INPP4B: variants seen among roughly 807,000 people sequenced by gnomAD.
The protein encoded by INPP4B is inositol polyphosphate 4-phosphatase type II.
A neutral mutation model predicts 122.5 loss-of-function variants in INPP4B; 55 were observed. That is an observed-to-expected ratio of 0.45 (90% CI 0.36 to 0.56). The LOEUF is 0.56. INPP4B is among the 20% of genes least tolerant of loss of function. The pLI, the probability that INPP4B is intolerant of heterozygous loss-of-function variation, is 0.00. For synonymous variants in INPP4B, 403 were observed against 388.7 expected, an observed-to-expected ratio of 1.04 and a Z score of -0.43; for missense variants, 1,000 against 1,097.7, an observed-to-expected ratio of 0.91 and a Z score of 1.26.
chr4:142,349,041 A>C (rs1461171203), intron 7 of INPP4B, among the ~76,000 whole-genome samples: 3 of 152,048 alleles, frequency 2.0e-5, no homozygotes, highest in Admixed American at 6.6e-5. Flanking sequence ...TTTCTCTTCC[A>C]AATTTCTATC....
At chr4:142,661,119 C>T (rs967583507) in intron 2 of INPP4B, among the ~76,000 whole-genome samples, 2 of 152,134 alleles carry the variant, frequency 1.3e-5, no homozygotes, top group East Asian at 3.9e-4. Flanking sequence ...GGGATTCAAA[C>T]GCCAGGCAGG....
intron 2 of INPP4B, among the ~76,000 whole-genome samples, chr4:142,701,199 GTATGTCA>G (rs1761714245): frequency 6.6e-6 from 1 of 152,074 alleles, no homozygotes; most frequent in African/African-American, 2.4e-5. Flanking sequence ...GGTAAACAAG[GTATGTCA>G]TAATTACCAC....
intron 11 of INPP4B, among the ~76,000 whole-genome samples, chr4:142,253,416 T>C (rs1309932313): frequency 6.6e-6 from 1 of 152,056 alleles, no homozygotes; most frequent in Non-Finnish European, 1.5e-5. Flanking sequence ...AGAAGACAGG[T>C]GATTTCCGCA....
intron 25 of INPP4B, among the ~76,000 whole-genome samples, chr4:142,080,916 A>G (rs1467893454): frequency 1.3e-5 from 2 of 152,138 alleles, no homozygotes; most frequent in Non-Finnish European, 2.9e-5. Flanking sequence ...TATTTTTTGA[A>G]AGAAGTTTTT....
At chr4:142,117,648 C>T (rs150527472) in intron 21 of INPP4B, among the ~76,000 whole-genome samples, 21,053 of 151,936 alleles carry the variant, frequency 0.14, 1,631 homozygotes, top group East Asian at 0.23. Flanking sequence ...AATTAGGTAT[C>T]GATGGGACGT....
chr4:142,365,998 T>G (rs990747887), intron 7 of INPP4B, among the ~76,000 whole-genome samples: 1 of 152,104 alleles, frequency 6.6e-6, no homozygotes. Flanking sequence ...GACCTGCACA[T>G]GTATGTCCAG....
chr4:142,410,660 T>C (rs542320914), intron 5 of INPP4B, among the ~76,000 whole-genome samples: 6 of 152,192 alleles, frequency 3.9e-5, no homozygotes, highest in Non-Finnish European at 8.8e-5. Context: ...GAGCTATATA[T>C]GACTTTGGAT....
chr4:142,235,575 C>A (rs1007364629), intron 12 of INPP4B, among the ~76,000 whole-genome samples: 1 of 152,112 alleles, frequency 6.6e-6, no homozygotes, highest in Non-Finnish European at 1.5e-5. Context: ...TCGCCCACCA[C>A]CACGCCTGGA....
chr4:142,733,399 G>A (rs1766377978), intron 1 of INPP4B, among the ~76,000 whole-genome samples: 1 of 152,082 alleles, frequency 6.6e-6, no homozygotes, highest in African/African-American at 2.4e-5. Flanking sequence ...GCAATACTCA[G>A]AATATATACA....
chr4:142,470,598 A>G (rs988362846), intron 2 of INPP4B, among the ~76,000 whole-genome samples: 1 of 152,206 alleles, frequency 6.6e-6, no homozygotes, highest in Non-Finnish European at 1.5e-5. Flanking sequence ...CCCACTATAC[A>G]ATAATGCTGT....
intron 8 of INPP4B, among the ~76,000 whole-genome samples, chr4:142,307,042 T>C (rs1439760072): frequency 6.6e-6 from 1 of 152,102 alleles, no homozygotes; most frequent in Non-Finnish European, 1.5e-5. Context: ...ACCAAATTAT[T>C]AGATGAGGAA....
intron 2 of INPP4B, among the ~76,000 whole-genome samples, chr4:142,470,327 A>G (rs748046678): frequency 7.9e-5 from 12 of 152,206 alleles, no homozygotes; most frequent in African/African-American, 1.7e-4. Context: ...CATATGAAAA[A>G]TGTTCAACTT....
intron 2 of INPP4B, chr4:142,474,327 A>G (rs1819452290): frequency 6.6e-6 from 1 of 152,100 alleles, no homozygotes; most frequent in South Asian, 2.1e-4. Context: ...AGGGTAAGTG[A>G]CCCTGCCCTT....
chr4:142,056,734 T>G (rs1358795901), intron 25 of INPP4B, among the ~76,000 whole-genome samples: 1 of 152,130 alleles, frequency 6.6e-6, no homozygotes, highest in African/African-American at 2.4e-5. Flanking sequence ...CAGCCTCAAG[T>G]GCTAAAATGG....
chr4:142,110,371 C>A (rs11733162), intron 22 of INPP4B, among the ~76,000 whole-genome samples: 32,136 of 152,026 alleles, frequency 0.21, 3,459 homozygotes, highest in South Asian at 0.26. Flanking sequence ...TTGTTTAAGC[C>A]ACCCAGTCTA....
At chr4:142,322,277 G>C (rs1164149928) in intron 7 of INPP4B, among the ~76,000 whole-genome samples, 1 of 151,754 alleles carries the variant, frequency 6.6e-6, no homozygotes, top group Non-Finnish European at 1.5e-5. Flanking sequence ...GAATCTCTCA[G>C]TTAATCTAAA....
intron 2 of INPP4B, among the ~76,000 whole-genome samples, chr4:142,584,189 T>C (rs1337760359): frequency 6.6e-6 from 1 of 152,200 alleles, no homozygotes; most frequent in African/African-American, 2.4e-5. Context: ...TTTAGAGCAG[T>C]TCTAGATAGT....
At chr4:142,845,870 G>C (rs534470649) in intron 1 of INPP4B, among the ~76,000 whole-genome samples, 7 of 152,264 alleles carry the variant, frequency 4.6e-5, no homozygotes, top group African/African-American at 1.7e-4. Flanking sequence ...CCAGAGCTCA[G>C]AGTTCCACGG....
At chr4:142,282,278 A>C (rs1751550169) in intron 9 of INPP4B, among the ~76,000 whole-genome samples, 1 of 152,150 alleles carries the variant, frequency 6.6e-6, no homozygotes, top group Non-Finnish European at 1.5e-5. Context: ...AAAGCCTTGA[A>C]GTGAATCCTG....
Sources: gnomAD v4.1 joint callset for allele counts (sites outside exome capture counted in the v4.1 genomes callset) on GRCh38, gnomAD v4.1.1 for gene constraint, MANE v1.5 for transcripts, NCBI Gene and HGNC (gene_info 2026-07-23, HGNC 2026-07-21) for gene names.